The following QARS1 variants were observed in gnomAD, a reference collection of about 807,000 sequenced individuals.
QARS1 encodes the protein glutaminyl-tRNA synthetase 1, also known as glutamine--tRNA ligase.
Under a neutral mutation model 106.9 loss-of-function variants are expected in QARS1, and 79 were observed. The ratio of observed to expected loss-of-function variants is 0.74; its 90% CI spans 0.62 to 0.89. The LOEUF is 0.89. QARS1 is among the 40% of genes least tolerant of loss of function. QARS1 has a pLI of 0.00. For missense variants in QARS1, 966 were observed against 997.2 expected, an observed-to-expected ratio of 0.97 and a Z score of 0.42; for synonymous variants, 395 against 367.7, an observed-to-expected ratio of 1.07 and a Z score of -0.85.
rs771191416 is a variant in QARS1 at position 49,104,502 on chromosome 3, C to T, written c.118-31G>A. On this transcript the variant is annotated intron_variant, in intron 1 of 23. Transcript: ENST00000306125. Reference sequence around the variant, plus strand: ...GTCAGAGGGGTCAAGAGAGAAGCCCCGCGCTCAGTGAGAGGAAAGGGCGGG... The same window carrying T: ...GTCAGAGGGGTCAAGAGAGAAGCCCTGCGCTCAGTGAGAGGAAAGGGCGGG... 5 of 1,611,710 alleles carry T rather than the reference C, an allele frequency of 3.1e-6. No homozygotes were observed. The African/African-American group carries it at 5.3e-5, about 17-fold the overall frequency.
In QARS1 at chr3:49,104,119, A is replaced by G. The variant is rs574625554; in HGVS notation, c.266-147T>C. On this transcript the variant is annotated intron_variant, in intron 2 of 23. Coordinates refer to ENST00000306125, the MANE Select transcript of QARS1 (RefSeq NM_005051.3). ...CCACCCTAGAGAACACAGGGAAGAA[A>G]GAAGCACGTGTCGAGAGTGGATCCC... is the stretch of plus-strand genomic sequence containing the variant. 9 of 1,117,502 alleles carry G rather than the reference A, an allele frequency of 8.1e-6. No homozygotes were observed. The African/African-American group carries it at 1.4e-4, about 17-fold the overall frequency. 69.2% of individuals were successfully genotyped at this position (1,117,502 alleles called of 1,614,324 possible).
In QARS1 at chr3:49,099,871, T is replaced by C. The variant is rs1323450215; in HGVS notation, c.1296-18A>G. The C allele has an allele frequency of 6.2e-7, 1 of 1,613,946 alleles. No individual in the cohort carries two copies. Among genetic ancestry groups the C allele is most frequent in the Non-Finnish European group, 8.5e-7 (1 of 1,179,946 alleles). On this transcript the variant is annotated intron_variant, in intron 14 of 23. Coordinates refer to ENST00000306125, the MANE Select transcript of QARS1 (RefSeq NM_005051.3). Reference sequence around the variant, plus strand: ...AGATGCACCTGTGGGGCATAGGCAGTGGGCCCTACCATCCAGCCCTACTCT... The same window carrying C: ...AGATGCACCTGTGGGGCATAGGCAGCGGGCCCTACCATCCAGCCCTACTCT...
At position 49,099,798 on chromosome 3, in the gene QARS1, T is replaced by C; in HGVS notation, c.1351A>G (p.Ile451Val). The change falls in exon 15 of 24, where the codon ATC (isoleucine) becomes GTC (valine). Residue 451 changes from isoleucine (I) to valine (V), a missense_variant. By Grantham distance (29) the Ile-to-Val change is conservative. Coordinates refer to ENST00000306125, the MANE Select transcript of QARS1 (RefSeq NM_005051.3). ...THCLCDSIEH[I>V]THSLCTKEFQ... is the part of the protein sequence containing the mutation. ...TCCTTGGTGCAGAGTGAGTGAGTGA[T>C]GTGCTCGATGGAGTCACAGAGGCAG... is the stretch of plus-strand genomic sequence containing the variant. 6.2e-7 allele frequency: 1 copy of C among 1,614,036 alleles called. No individual in the cohort carries two copies. The highest frequency in any genetic ancestry group is 8.5e-7 in the Non-Finnish European group (1 of 1,180,002).
chr3:49,101,415 G>A lies in QARS1; in HGVS notation c.816C>T (p.Pro272=), dbSNP rs755544279. 2 of 1,614,012 alleles carry A rather than the reference G, an allele frequency of 1.2e-6. No homozygotes were observed. Among genetic ancestry groups the A allele is most frequent in the South Asian group, 2.2e-5 (2 of 91,076 alleles). The change falls in exon 10 of 24, where the codon CCC becomes CCT. Residue 272 remains proline (P), a synonymous_variant. Transcript: ENST00000306125. ...GQVRTRFPPE[P]NGILHIGHAK... ...CATGTCCAATATGCAGGATTCCATT[G>A]GGTTCTGGCGGGAACCGGGTACGTA... is the stretch of plus-strand genomic sequence containing the variant.
chr3:49,102,742 A>C lies in QARS1; in HGVS notation c.517-270T>G, dbSNP rs1356363379. 9.5e-6 allele frequency: 5 copies of C among 528,800 alleles called. No individual in the cohort carries two copies. In the East Asian group the frequency reaches 2.1e-4, roughly 22 times the overall value. The allele number at this position is 528,800 out of a possible 1,614,324, so 32.8% of individuals were successfully genotyped here. On this transcript the variant is annotated intron_variant, in intron 5 of 23. Coordinates refer to ENST00000306125, the MANE Select transcript of QARS1 (RefSeq NM_005051.3). Reference sequence around the variant, plus strand: ...CTGCAACCTCCGCCTCCTGGATTCAAGCGATTTTCCTACCTCAGCCCTTCT... The same window carrying C: ...CTGCAACCTCCGCCTCCTGGATTCACGCGATTTTCCTACCTCAGCCCTTCT...
intron 8 of QARS1, 45 bp from the exon 9 acceptor site, chr3:49,101,750 C>A (rs756457141): frequency 6.2e-7 from 1 of 1,612,292 alleles, no homozygotes; most frequent in South Asian, 1.1e-5. Context: ...GCAGCCAAAG[C>A]CTCTGACCCC....
At position 49,099,522 on chromosome 3, in the gene QARS1, G is replaced by A. The variant is rs772704640; in HGVS notation, c.1514C>T (p.Thr505Ile). 3.7e-6 allele frequency: 6 copies of A among 1,614,230 alleles called. No homozygotes were observed. Among genetic ancestry groups the A allele is most frequent in the Non-Finnish European group, 5.1e-6 (6 of 1,180,040 alleles). The part of the protein sequence containing the change: ...SKRKILQLVA[T>I]GAVRDWDDPR... ...CAGCCGCACCTACCGCACAGCACCA[G>A]TTGCTACAAGCTGGAGGATCTTCCT... Residue 505 changes from threonine (T) to isoleucine (I), a missense_variant, in exon 16 of 24, where the codon ACT (threonine) becomes ATT (isoleucine). Transcript: ENST00000306125.
chr3:49,096,699 C>T (rs1334820210), intron 23 of QARS1, among the ~76,000 whole-genome samples: 1 of 145,496 alleles, frequency 6.9e-6, no homozygotes, highest in Non-Finnish European at 1.5e-5. Context: ...ATTTGGGAGG[C>T]TGAGGCGGGA....
intron 5 of QARS1, 43 bp from the exon 6 acceptor site, chr3:49,102,515 T>C: frequency 6.2e-7 from 1 of 1,609,462 alleles, no homozygotes; most frequent in Non-Finnish European, 8.5e-7. Flanking sequence ...AGTATCCTCT[T>C]TCAAGGAGCC....
At position 49,103,770 on chromosome 3, in the gene QARS1, C is replaced by G; in HGVS notation, c.376-64G>C. On this transcript the variant is annotated intron_variant, in intron 3 of 23. Coordinates refer to ENST00000306125, the MANE Select transcript of QARS1 (RefSeq NM_005051.3). ...TTTAGAGATATTCTGGGAACCCACA[C>G]CCTCACTCTGGGTCTTCCTGAGGAG... 6 of 1,599,814 alleles carry G rather than the reference C, an allele frequency of 3.8e-6. 1 individual carries two copies. The South Asian group carries it at 6.6e-5, about 18-fold the overall frequency.
At chr3:49,102,750 T>G in intron 5 of QARS1, 1 of 511,016 alleles carries the variant, frequency 2.0e-6, no homozygotes. Context: ...CAAGCGATTT[T>G]CCTACCTCAG....
intron 19 of QARS1, 80 bp from the exon 20 acceptor site, chr3:49,098,772 CAA>C (rs1291359694): frequency 6.6e-7 from 1 of 1,505,888 alleles, no homozygotes; most frequent in Non-Finnish European, 9.1e-7. Flanking sequence ...CCGTGTCTGG[CAA>C]AGATTGGTTC....
intron 17 of QARS1, 23 bp from the exon 18 acceptor site, chr3:49,099,276 G>T: frequency 1.2e-6 from 2 of 1,614,176 alleles, no homozygotes; most frequent in Non-Finnish European, 1.7e-6. Context: ...TTCAGCATCA[G>T]TCACAGCTAC....
Position 49,099,443 on chromosome 3 carries a change from A to G in QARS1, c.1527-12T>C, listed in dbSNP as rs758214944. 1.2e-6 allele frequency: 2 copies of G among 1,614,178 alleles called. No individual in the cohort carries two copies. Among genetic ancestry groups the G allele is most frequent in the South Asian group, 2.2e-5 (2 of 91,086 alleles). The stretch of plus-strand genomic sequence containing the variant: ...GGTCATCCCAGTCCCTGTGGATAAG[A>G]AGGTGGTGAGAAGGCCTTTGGGAGC... On this transcript the variant is annotated splice_polypyrimidine_tract_variant and intron_variant, in intron 16 of 23. Coordinates refer to ENST00000306125, the MANE Select transcript of QARS1 (RefSeq NM_005051.3).
intron 13 of QARS1, 45 bp downstream of exon 13, chr3:49,100,145 A>G: frequency 6.2e-7 from 1 of 1,614,214 alleles, no homozygotes; most frequent in Non-Finnish European, 8.5e-7. Context: ...TCTCATTCTC[A>G]GCACCTTGGC....
rs1158340438 is a variant in QARS1 at position 49,101,425 on chromosome 3, G to A, written c.806C>T (p.Pro269Leu). Residue 269 changes from proline (P) to leucine (L), a missense_variant, in exon 10 of 24, where the codon CCG (proline) becomes CTG (leucine). Transcript: ENST00000306125. ...ITGGQVRTRFPPEPNGILHIG... is the reference protein window; with the variant it reads ...ITGGQVRTRFLPEPNGILHIG... ...ATGCAGGATTCCATTGGGTTCTGGC[G>A]GGAACCGGGTACGTACCTAAAATAA... 5.6e-6 allele frequency: 9 copies of A among 1,613,626 alleles called. No individual in the cohort carries two copies. Among genetic ancestry groups the A allele is most frequent in the Non-Finnish European group, 7.6e-6 (9 of 1,179,682 alleles).
chr3:49,103,557 T>C, intron 4 of QARS1, 74 bp downstream of exon 4: 2 of 1,566,330 alleles, frequency 1.3e-6, no homozygotes, highest in East Asian at 2.3e-5. Context: ...TTCCCCCACC[T>C]CCTTCTCACT....
In QARS1 at chr3:49,098,926, A is replaced by G; in HGVS notation, c.1822T>C (p.Phe608Leu). The G allele has an allele frequency of 6.2e-7, 1 of 1,614,064 alleles. No individual in the cohort carries two copies. The highest frequency in any genetic ancestry group is 8.5e-7 in the Non-Finnish European group (1 of 1,179,972). ...DETKGFHQVP[F>L]APIVFIERTD... is the part of the protein sequence containing the mutation. The stretch of plus-strand genomic sequence containing the variant: ...CTCTCAATGAAGACAATGGGTGCAA[A>G]GGGAACCTGATGGAAGCCTTTGGTC... Residue 608 changes from phenylalanine to leucine, a missense_variant, in exon 19 of 24, where the codon TTT becomes CTT. Physicochemically the swap from Phe to Leu is conservative, Grantham distance 22. Coordinates refer to ENST00000306125, the MANE Select transcript of QARS1 (RefSeq NM_005051.3).
intron 7 of QARS1, 75 bp downstream of exon 7, chr3:49,102,130 G>C: frequency 6.4e-7 from 1 of 1,574,466 alleles, no homozygotes; most frequent in South Asian, 1.1e-5. Flanking sequence ...GGCCTGAGGA[G>C]CCTGTAAGGA....
Sources: gnomAD v4.1 joint callset for allele counts (sites outside exome capture counted in the v4.1 genomes callset) on GRCh38, gnomAD v4.1.1 for gene constraint, MANE v1.5 for transcripts, NCBI Gene and HGNC (gene_info 2026-07-23, HGNC 2026-07-21) for gene names.